The following ATP8A2 variants were observed in gnomAD, a reference collection of about 807,000 sequenced individuals.
ATP8A2 encodes phospholipid-transporting ATPase IB.
ATP8A2 carries 100 observed loss-of-function variants against 165.6 expected under a neutral mutation model. The ratio of observed to expected loss-of-function variants is 0.60; its 90% CI spans 0.51 to 0.71. ATP8A2 has a LOEUF of 0.71. Among genes scored for constraint, ATP8A2 ranks in the 30% least tolerant of loss-of-function variants. ATP8A2 has a pLI of 0.00. For synonymous variants in ATP8A2, 543 were observed against 548.8 expected, an observed-to-expected ratio of 0.99 and a Z score of 0.15; for missense variants, 1,227 against 1,479.5, an observed-to-expected ratio of 0.83 and a Z score of 2.80.
chr13:25,870,346 G>A (rs1952640937), intron 33 of ATP8A2, among the ~76,000 whole-genome samples: 2 of 152,064 alleles, frequency 1.3e-5, no homozygotes, highest in Non-Finnish European at 2.9e-5. Context: ...CAACATTTGG[G>A]CAGGAAAATA....
intron 35 of ATP8A2, among the ~76,000 whole-genome samples, chr13:25,983,263 C>T (rs542898533): frequency 2.0e-5 from 3 of 152,242 alleles, no homozygotes; most frequent in African/African-American, 4.8e-5. Context: ...TTTACTTACA[C>T]CATGAAGAAC....
chr13:26,013,617 C>T (rs548329828), intron 36 of ATP8A2, among the ~76,000 whole-genome samples: 158 of 151,268 alleles, frequency 1.0e-3, no homozygotes, highest in African/African-American at 3.6e-3. Context: ...GAGGTTGCAG[C>T]GAGCCGAGGT....
chr13:25,776,099 C>G (rs1323395470), intron 27 of ATP8A2, among the ~76,000 whole-genome samples: 2 of 152,226 alleles, frequency 1.3e-5, no homozygotes, highest in African/African-American at 4.8e-5. Context: ...ATAACCTGTG[C>G]TACTTCATTC....
At chr13:26,006,659 T>C (rs1249111769) in intron 35 of ATP8A2, among the ~76,000 whole-genome samples, 9 of 152,030 alleles carry the variant, frequency 5.9e-5, no homozygotes, top group Admixed American at 5.9e-4. Context: ...TTTAAATTAA[T>C]GCTCTTTTCA....
chr13:25,883,039 T>G (rs376482164), intron 33 of ATP8A2, among the ~76,000 whole-genome samples: 12 of 152,214 alleles, frequency 7.9e-5, no homozygotes, highest in African/African-American at 2.9e-4. Context: ...ACTGTACCTA[T>G]TCTCTATGAG....
chr13:25,859,233 C>CA (rs879410034), intron 30 of ATP8A2, among the ~76,000 whole-genome samples: 60 of 149,234 alleles, frequency 4.0e-4, no homozygotes, highest in East Asian at 3.9e-3. Flanking sequence ...AAAACAAAAA[C>CA]AAAAAAAAAC....
intron 2 of ATP8A2, among the ~76,000 whole-genome samples, chr13:25,509,594 A>G (rs9578874): frequency 0.059 from 8,995 of 152,060 alleles, 338 homozygotes; most frequent in South Asian, 0.13. Flanking sequence ...TTTTTTCATT[A>G]TAAGTAAACT....
Position 25,589,595 on chromosome 13 carries a change from G to A in ATP8A2, c.2147-40G>A, listed in dbSNP as rs1439508409. Reference sequence around the variant, plus strand: ...GGTTGAATTTAAGGAGCTCACAGAAGGAAAGAGAAATTCACATGTTGTCTC... The same window carrying A: ...GGTTGAATTTAAGGAGCTCACAGAAAGAAAGAGAAATTCACATGTTGTCTC... On this transcript the variant is annotated intron_variant, in intron 23 of 36. Transcript: ENST00000381655. 6 of 1,513,930 alleles carry A rather than the reference G, an allele frequency of 4.0e-6. No homozygotes were observed. The East Asian group carries it at 9.0e-5, about 23-fold the overall frequency. The allele number at this position is 1,513,930 out of a possible 1,614,324, so 93.8% of individuals were successfully genotyped here. A position where few individuals can be genotyped will look rare whatever the true frequency, so the allele number is the denominator to read the frequency against.
At chr13:25,571,893 G>C (rs1299640561) in intron 18 of ATP8A2, 18 of 600,690 alleles carry the variant, frequency 3.0e-5, no homozygotes, top group Middle Eastern at 3.8e-4. Flanking sequence ...CCTTCAAGAT[G>C]CTTTTCCACA....
intron 30 of ATP8A2, among the ~76,000 whole-genome samples, chr13:25,842,019 CA>C (rs1207923235): frequency 2.6e-5 from 4 of 152,176 alleles, no homozygotes; most frequent in African/African-American, 9.7e-5. Context: ...CAGCTCCCAG[CA>C]CCACTGCATT....
Position 25,659,440 on chromosome 13 carries a change from C to T in ATP8A2, c.2212-39733C>T, listed in dbSNP as rs566159647. On this transcript the variant is annotated intron_variant, in intron 24 of 36. Transcript: ENST00000381655. ...TGGTTGTCTGTCTGAGCTGGGGGAA[C>T]GTTGGAGGATGCTCTGCCCTTTCTC... Among the ~76,000 whole-genome samples the T allele has an allele frequency of 7.9e-5, 12 of 152,252 alleles. No individual in the cohort carries two copies. In the South Asian group the frequency reaches 1.0e-3, roughly 13 times the overall value.
In ATP8A2 at chr13:25,417,164, T is replaced by C. The variant is rs560667257; in HGVS notation, c.76+44876T>C. On this transcript the variant is annotated intron_variant, in intron 1 of 36. Coordinates refer to ENST00000381655, the MANE Select transcript of ATP8A2 (RefSeq NM_016529.6). The stretch of plus-strand genomic sequence containing the variant: ...TCCTGAGACCTTCTTTTGTCCCCAG[T>C]TTCCCATTAATTCTTGGCCATTTAT... Among the ~76,000 whole-genome samples the C allele has an allele frequency of 2.0e-5, 3 of 152,308 alleles. 1 individual carries two copies. Among genetic ancestry groups the C allele is most frequent in the African/African-American group, 7.2e-5 (3 of 41,564 alleles).
At chr13:25,455,140 C>T (rs2035331332) in intron 1 of ATP8A2, among the ~76,000 whole-genome samples, 3 of 152,172 alleles carry the variant, frequency 2.0e-5, no homozygotes, top group African/African-American at 7.2e-5. Context: ...CTGCTTCTCC[C>T]CCTCACTGTG....
intron 32 of ATP8A2, among the ~76,000 whole-genome samples, chr13:25,861,824 C>T (rs1371767165): frequency 1.3e-5 from 2 of 152,082 alleles, no homozygotes; most frequent in East Asian, 3.9e-4. Context: ...CTTAAAGGGG[C>T]ATTGTTAAGA....
chr13:25,921,386 G>A (rs1954449457), intron 33 of ATP8A2, among the ~76,000 whole-genome samples: 1 of 151,952 alleles, frequency 6.6e-6, no homozygotes, highest in Non-Finnish European at 1.5e-5. Flanking sequence ...GGGAGGCTGA[G>A]GCGGGTGGAT....
chr13:25,582,475 G>T (rs150263943), intron 23 of ATP8A2, among the ~76,000 whole-genome samples: 1 of 152,160 alleles, frequency 6.6e-6, no homozygotes, highest in Non-Finnish European at 1.5e-5. Flanking sequence ...AAAGGAGCAC[G>T]TTTTAAGTTT....
At chr13:25,638,160 A>G (rs1410413163) in intron 24 of ATP8A2, among the ~76,000 whole-genome samples, 2 of 152,206 alleles carry the variant, frequency 1.3e-5, no homozygotes, top group African/African-American at 4.8e-5. Flanking sequence ...ATGGGGAAAA[A>G]ACAGAGCAGA....
chr13:25,821,649 G>A (rs1178739815), intron 27 of ATP8A2, among the ~76,000 whole-genome samples: 5 of 152,010 alleles, frequency 3.3e-5, no homozygotes, highest in East Asian at 1.9e-4. Flanking sequence ...GTTTTGTATC[G>A]GGTTGACCAA....
chr13:25,800,689 T>A (rs1950604555), intron 27 of ATP8A2, among the ~76,000 whole-genome samples: 1 of 152,172 alleles, frequency 6.6e-6, no homozygotes, highest in Non-Finnish European at 1.5e-5. Context: ...AGTAACTCCC[T>A]GGGCGATCGC....
Sources: allele counts gnomAD v4.1 joint callset (sites outside exome capture counted in the v4.1 genomes callset), GRCh38; gene constraint gnomAD v4.1.1; transcripts MANE v1.5; gene names NCBI Gene and HGNC (gene_info 2026-07-23, HGNC 2026-07-21).